The following CHRM3 variants were observed in gnomAD, a reference collection of about 807,000 sequenced individuals.
CHRM3 encodes muscarinic acetylcholine receptor M3.
A neutral mutation model predicts 41.8 loss-of-function variants in CHRM3; 11 were observed. The observed-to-expected ratio is 0.26, with a 90% CI of 0.17 to 0.44. CHRM3 has a LOEUF of 0.44. Among genes scored for constraint, CHRM3 ranks in the 20% least tolerant of loss-of-function variants. CHRM3 has a pLI of 1.00. For missense variants in CHRM3, 571 were observed against 745.4 expected (o/e 0.77, Z 2.72); for synonymous variants, 297 against 301.4 (o/e 0.99, Z 0.15).
At chr1:239,554,729 C>CT (rs750207504) in intron 3 of CHRM3, among the ~76,000 whole-genome samples, 46,923 of 122,944 alleles carry the variant, frequency 0.38, 9,746 homozygotes, top group East Asian at 0.58. Context: ...GTATTTCTTT[C>CT]TTTTTTTTTT....
intron 3 of CHRM3, among the ~76,000 whole-genome samples, chr1:239,575,960 C>T (rs746575074): frequency 2.6e-5 from 4 of 152,072 alleles, no homozygotes; most frequent in African/African-American, 4.8e-5. Context: ...CTCTCCATTT[C>T]CCTACCTCCC....
At chr1:239,396,595 C>T (rs946477139) in intron 1 of CHRM3, among the ~76,000 whole-genome samples, 3 of 152,134 alleles carry the variant, frequency 2.0e-5, no homozygotes, top group Admixed American at 6.5e-5. Flanking sequence ...GCCTGGGCAA[C>T]AGAACAAGAT....
chr1:239,609,957 C>G (rs1666802773), intron 3 of CHRM3, among the ~76,000 whole-genome samples: 1 of 151,950 alleles, frequency 6.6e-6, no homozygotes, highest in Non-Finnish European at 1.5e-5. Context: ...CTTTGGGAGG[C>G]CGAGGTGGGT....
intron 6 of CHRM3, among the ~76,000 whole-genome samples, chr1:239,827,803 GCTCAT>G (rs1003401912): frequency 6.6e-6 from 1 of 151,942 alleles, no homozygotes; most frequent in East Asian, 1.9e-4. Flanking sequence ...AACCTTCCCT[GCTCAT>G]TAATTCATTC....
chr1:239,831,754 A>G (rs1430688027), intron 6 of CHRM3, among the ~76,000 whole-genome samples: 1 of 152,078 alleles, frequency 6.6e-6, no homozygotes, highest in Admixed American at 6.6e-5. Context: ...GTGGGAGGGG[A>G]GGATCTTTGG....
intron 5 of CHRM3, chr1:239,705,156 A>G (rs1217499284): frequency 1.3e-5 from 2 of 152,230 alleles, no homozygotes; most frequent in African/African-American, 2.4e-5. Context: ...ACAGTGAGCT[A>G]TGATCATGAC....
intron 5 of CHRM3, among the ~76,000 whole-genome samples, chr1:239,753,010 C>A (rs947139769): frequency 5.9e-5 from 9 of 152,068 alleles, no homozygotes; most frequent in African/African-American, 2.2e-4. Context: ...TCTGGGGAAG[C>A]ACAATATTTG....
At chr1:239,712,844 AC>A (rs139867635) in intron 5 of CHRM3, among the ~76,000 whole-genome samples, 1,958 of 152,286 alleles carry the variant, frequency 0.013, 53 homozygotes, top group African/African-American at 0.045. Context: ...CCATATCTGG[AC>A]TATTTCATTA....
intron 5 of CHRM3, among the ~76,000 whole-genome samples, chr1:239,809,760 A>C (rs996137045): frequency 2.0e-5 from 3 of 152,010 alleles, no homozygotes; most frequent in African/African-American, 7.2e-5. Flanking sequence ...CGGCCTCCCA[A>C]AGTGCCAGGA....
At chr1:239,664,514 G>A (rs1013814724) in intron 4 of CHRM3, among the ~76,000 whole-genome samples, 1 of 152,246 alleles carries the variant, frequency 6.6e-6, no homozygotes, top group Middle Eastern at 3.4e-3. Flanking sequence ...GTATGGTTTG[G>A]AAACTTTATT....
chr1:239,503,089 G>A (rs745736813), intron 2 of CHRM3, among the ~76,000 whole-genome samples: 1 of 152,034 alleles, frequency 6.6e-6, no homozygotes, highest in Non-Finnish European at 1.5e-5. Flanking sequence ...GAAATAAAGG[G>A]CATCCAAAAT....
intron 2 of CHRM3, among the ~76,000 whole-genome samples, chr1:239,529,898 T>TTAC (rs1474816781): frequency 2.0e-5 from 3 of 151,880 alleles, no homozygotes; most frequent in Non-Finnish European, 4.4e-5. Flanking sequence ...TTTATTATTA[T>TTAC]TATTATTATT....
intron 4 of CHRM3, among the ~76,000 whole-genome samples, chr1:239,651,128 CTTACG>C (rs1672205752): frequency 6.6e-6 from 1 of 152,128 alleles, no homozygotes; most frequent in South Asian, 2.1e-4. Flanking sequence ...GCTTGTGTAA[CTTACG>C]TTGGAGATCC....
chr1:239,715,401 G>T (rs1390401341), intron 5 of CHRM3, among the ~76,000 whole-genome samples: 2 of 152,138 alleles, frequency 1.3e-5, no homozygotes, highest in Non-Finnish European at 2.9e-5. Context: ...CAGGCCTCCA[G>T]AGGAGAAATA....
chr1:239,417,579 G>GCT (rs1661593238), intron 1 of CHRM3, among the ~76,000 whole-genome samples: 1 of 122,666 alleles, frequency 8.2e-6, no homozygotes, highest in African/African-American at 3.0e-5. Flanking sequence ...AGATTAATTT[G>GCT]TTTTTTTTTT....
Position 239,386,938 on chromosome 1 carries a change from A to C in CHRM3, c.-810A>C, listed in dbSNP as rs1195810181. The C allele has an allele frequency of 6.6e-6, 1 of 151,990 alleles. No individual in the cohort carries two copies. The highest frequency in any genetic ancestry group is 2.4e-5 in the African/African-American group (1 of 41,424). 9.4% of individuals were successfully genotyped at this position (151,990 alleles called of 1,614,324 possible). On this transcript the variant is annotated 5_prime_UTR_variant, in exon 1 of 7. Transcript: ENST00000676153. ...GAGGCGGCATGTGACGCGCGGCCGC[A>C]GCTGCCCGCGGGCGGAGCGCTCTCA...
At chr1:239,576,984 T>C (rs559287551) in intron 3 of CHRM3, among the ~76,000 whole-genome samples, 1 of 152,218 alleles carries the variant, frequency 6.6e-6, no homozygotes, top group Admixed American at 6.5e-5. Flanking sequence ...TATAAAAATA[T>C]TTTCAAAAAG....
chr1:239,539,789 A>AT (rs33954303), intron 2 of CHRM3, among the ~76,000 whole-genome samples: 60,165 of 151,668 alleles, frequency 0.4, 14,188 homozygotes, highest in East Asian at 0.61. Flanking sequence ...TAATTTTGGC[A>AT]TTTTTTTAGT....
intron 5 of CHRM3, among the ~76,000 whole-genome samples, chr1:239,761,129 T>A (rs143675979): frequency 0.018 from 2,763 of 152,320 alleles, 36 homozygotes; most frequent in Non-Finnish European, 0.028. Context: ...TCTCTATATA[T>A]CCCTATTAAT....
Sources: gnomAD v4.1 joint callset for allele counts (sites outside exome capture counted in the v4.1 genomes callset) on GRCh38, gnomAD v4.1.1 for gene constraint, MANE v1.5 for transcripts, NCBI Gene and HGNC (gene_info 2026-07-23, HGNC 2026-07-21) for gene names.